The following PTPRJ variants were observed in gnomAD, a reference collection of about 807,000 sequenced individuals.
The protein encoded by PTPRJ is receptor-type tyrosine-protein phosphatase eta.
Under a neutral mutation model 141.3 loss-of-function variants are expected in PTPRJ, and 129 were observed. The observed-to-expected ratio is 0.91, with a 90% CI of 0.79 to 1.06. The LOEUF (loss-of-function observed/expected upper bound fraction) is 1.06, where lower values mean the gene tolerates loss of function less well. Among genes scored for constraint, PTPRJ ranks in the 50% least tolerant of loss-of-function variants. The pLI is 0.00. For missense variants in PTPRJ, 1,601 were observed against 1,679.7 expected (o/e 0.95, Z 0.82); for synonymous variants, 610 against 640.5 (o/e 0.95, Z 0.72).
intron 1 of PTPRJ, among the ~76,000 whole-genome samples, chr11:47,992,959 GT>G (rs1854235777): frequency 6.6e-6 from 1 of 152,222 alleles, no homozygotes; most frequent in African/African-American, 2.4e-5. Context: ...GAATGGAATG[GT>G]GGAAGATGCC....
At chr11:48,134,537 T>TA (rs558710443) in intron 8 of PTPRJ, among the ~76,000 whole-genome samples, 29 of 150,726 alleles carry the variant, frequency 1.9e-4, no homozygotes, top group Admixed American at 7.3e-4. Flanking sequence ...CACTTAAAAT[T>TA]AAAAAAAAAA....
intron 21 of PTPRJ, 75 bp from the exon 22 acceptor site, chr11:48,159,855 G>C: frequency 1.3e-6 from 2 of 1,566,078 alleles, no homozygotes; most frequent in Non-Finnish European, 1.7e-6. Context: ...TCAATAGCCA[G>C]TCTCCCTTGT....
chr11:48,069,617 T>C (rs964051104), intron 1 of PTPRJ, among the ~76,000 whole-genome samples: 1 of 151,586 alleles, frequency 6.6e-6, no homozygotes, highest in Non-Finnish European at 1.5e-5. Flanking sequence ...CCCCGGCTAA[T>C]TTTTTTTGTA....
intron 12 of PTPRJ, 41 bp downstream of exon 12, chr11:48,143,091 T>C: frequency 2.5e-6 from 4 of 1,609,316 alleles, no homozygotes; most frequent in Non-Finnish European, 3.4e-6. Flanking sequence ...CCATGAGTGA[T>C]GCAGTGACCA....
intron 5 of PTPRJ, among the ~76,000 whole-genome samples, chr11:48,124,280 G>A (rs1363758488): frequency 1.3e-5 from 2 of 152,214 alleles, no homozygotes; most frequent in African/African-American, 2.4e-5. Context: ...AGGAGGACAG[G>A]CACTTAATCT....
chr11:48,065,640 A>G (rs1161478515), intron 1 of PTPRJ, among the ~76,000 whole-genome samples: 2 of 152,210 alleles, frequency 1.3e-5, no homozygotes, highest in African/African-American at 4.8e-5. Flanking sequence ...TGTTTTACTT[A>G]TAAGTAATGT....
At chr11:48,126,029 TGGAGGA>T (rs1179490583) in intron 6 of PTPRJ, among the ~76,000 whole-genome samples, 1 of 151,824 alleles carries the variant, frequency 6.6e-6, no homozygotes, top group Non-Finnish European at 1.5e-5. Context: ...GTGGGTTAGT[TGGAGGA>T]GGAGGAAGGG....
At chr11:48,013,501 T>G (rs1854867968) in intron 1 of PTPRJ, among the ~76,000 whole-genome samples, 2 of 152,174 alleles carry the variant, frequency 1.3e-5, no homozygotes, top group Non-Finnish European at 2.9e-5. Context: ...AAACATTTGT[T>G]AATCATTTCC....
At chr11:48,113,562 G>A in intron 3 of PTPRJ, among the ~76,000 whole-genome samples, 1 of 152,128 alleles carries the variant, frequency 6.6e-6, no homozygotes, top group African/African-American at 2.4e-5. Flanking sequence ...TTATTCTGTG[G>A]CCCTTACAGA....
intron 1 of PTPRJ, among the ~76,000 whole-genome samples, chr11:48,002,473 G>A (rs1854525035): frequency 6.6e-6 from 1 of 152,068 alleles, no homozygotes; most frequent in Non-Finnish European, 1.5e-5. Flanking sequence ...GTAAATGAGT[G>A]CATTTTCCCA....
intron 1 of PTPRJ, among the ~76,000 whole-genome samples, chr11:48,030,185 G>C (rs920695575): frequency 6.6e-6 from 1 of 152,074 alleles, no homozygotes; most frequent in Non-Finnish European, 1.5e-5. Flanking sequence ...GGGTCATGTT[G>C]GTATTTTATT....
At chr11:48,034,924 T>C (rs1187887734) in intron 1 of PTPRJ, among the ~76,000 whole-genome samples, 1 of 152,232 alleles carries the variant, frequency 6.6e-6, no homozygotes, top group Admixed American at 6.5e-5. Context: ...CCGCAAGATA[T>C]TAAGAGCCCG....
At chr11:48,141,268 A>G (rs988708338) in intron 11 of PTPRJ, among the ~76,000 whole-genome samples, 30 of 152,176 alleles carry the variant, frequency 2.0e-4, no homozygotes, top group South Asian at 2.1e-4. Context: ...GGAGTGGATC[A>G]TCTTTAATTC....
intron 1 of PTPRJ, 57 bp downstream of exon 1, chr11:47,981,065 A>T (rs1853889998): frequency 8.3e-7 from 1 of 1,199,152 alleles, no homozygotes; most frequent in South Asian, 4.2e-5. Flanking sequence ...ACTGGCATTG[A>T]CTGCACCTGC....
chr11:47,991,098 G>T (rs963034863), intron 1 of PTPRJ, among the ~76,000 whole-genome samples: 1 of 152,020 alleles, frequency 6.6e-6, no homozygotes, highest in East Asian at 1.9e-4. Context: ...ACAGACACAC[G>T]CAAATGTATT....
At chr11:47,990,922 G>A (rs536804789) in intron 1 of PTPRJ, among the ~76,000 whole-genome samples, 22 of 151,894 alleles carry the variant, frequency 1.4e-4, no homozygotes, top group African/African-American at 4.6e-4. Context: ...CTCATGATCC[G>A]CCCGCCTCAG....
At chr11:48,072,307 G>A (rs895623454) in intron 1 of PTPRJ, among the ~76,000 whole-genome samples, 1 of 152,210 alleles carries the variant, frequency 6.6e-6, no homozygotes, top group Non-Finnish European at 1.5e-5. Context: ...CCTTCTTGCT[G>A]TGCTATCCCA....
At chr11:48,049,114 ACT>A (rs1854484718) in intron 1 of PTPRJ, among the ~76,000 whole-genome samples, 2 of 152,100 alleles carry the variant, frequency 1.3e-5, no homozygotes, top group Non-Finnish European at 2.9e-5. Context: ...CCTCGGCACT[ACT>A]GACGTTTGGA....
At chr11:48,007,393 G>A (rs1854652850) in intron 1 of PTPRJ, among the ~76,000 whole-genome samples, 2 of 151,832 alleles carry the variant, frequency 1.3e-5, no homozygotes, top group South Asian at 4.1e-4. Context: ...ACAGGCATGA[G>A]CCACCACACG....
Sources: gnomAD v4.1 joint callset for allele counts (sites outside exome capture counted in the v4.1 genomes callset) on GRCh38, gnomAD v4.1.1 for gene constraint, MANE v1.5 for transcripts, NCBI Gene and HGNC (gene_info 2026-07-23, HGNC 2026-07-21) for gene names.